GRB14: variants seen among roughly 807,000 people sequenced by gnomAD.
The protein encoded by GRB14 is growth factor receptor bound protein 14.
A neutral mutation model predicts 69.1 loss-of-function variants in GRB14; 38 were observed. The ratio of observed to expected loss-of-function variants is 0.55; its 90% confidence interval spans 0.42 to 0.72. The LOEUF (loss-of-function observed/expected upper bound fraction) is 0.72, where lower values mean the gene tolerates loss of function less well. Ranked by LOEUF, GRB14 falls within the 30% of genes least tolerant of loss-of-function variation. The pLI is 0.00. For synonymous variants in GRB14, 247 were observed against 241.3 expected (o/e 1.02, Z -0.22); for missense variants, 666 against 666.1 (o/e 1.00, Z 0.00).
At chr2:164,615,786 G>A (rs1289951004) in intron 2 of GRB14, among the ~76,000 whole-genome samples, 1 of 152,116 alleles carries the variant, frequency 6.6e-6, no homozygotes, top group Admixed American at 6.5e-5. Context: ...ATTAACCAGA[G>A]CTACTACACA....
chr2:164,532,393 GTAAGC>G (rs1415718875), intron 3 of GRB14, among the ~76,000 whole-genome samples: 2 of 152,146 alleles, frequency 1.3e-5, no homozygotes, highest in African/African-American at 4.8e-5. Flanking sequence ...AATACCTATA[GTAAGC>G]TAAATAATGG....
At chr2:164,529,194 G>A (rs1035121587) in intron 3 of GRB14, among the ~76,000 whole-genome samples, 1 of 152,126 alleles carries the variant, frequency 6.6e-6, no homozygotes, top group Non-Finnish European at 1.5e-5. Context: ...CTTATACAAG[G>A]TACCTAGAAT....
intron 2 of GRB14, among the ~76,000 whole-genome samples, chr2:164,615,159 G>T (rs1354234572): frequency 6.6e-6 from 1 of 151,976 alleles, no homozygotes; most frequent in African/African-American, 2.4e-5. Flanking sequence ...TACTCTTTTT[G>T]TAATCTTAAA....
intron 2 of GRB14, among the ~76,000 whole-genome samples, chr2:164,605,719 G>A (rs1690026145): frequency 6.6e-6 from 1 of 152,180 alleles, no homozygotes; most frequent in African/African-American, 2.4e-5. Context: ...CTTTAGTTGA[G>A]AGCTATTTCC....
chr2:164,508,458 A>G lies in GRB14; in HGVS notation c.1020T>C (p.Leu340=). 1 of 1,613,154 alleles carries G rather than the reference A, an allele frequency of 6.2e-7. No homozygotes were observed. The highest frequency in any genetic ancestry group is 8.5e-7 in the Non-Finnish European group (1 of 1,179,232). Residue 340 remains leucine, a synonymous_variant, in exon 8 of 14, where the codon CTT becomes CTC. Coordinates refer to ENST00000263915, the MANE Select transcript of GRB14 (RefSeq NM_004490.3). ...RTCWVTAIRL[L]KYGMQLYQNY... is the part of the protein sequence containing the mutation. ...TTCATGCCTCCGGCGAGATTACCTT[A>G]AGCAATCTAATCGCGGTCACCCAGC...
chr2:164,563,671 T>C (rs908531742), intron 2 of GRB14, among the ~76,000 whole-genome samples: 1 of 152,246 alleles, frequency 6.6e-6, no homozygotes, highest in African/African-American at 2.4e-5. Context: ...ATTGTGGGGC[T>C]GCAACATTAG....
At chr2:164,513,115 C>T (rs1687382409) in intron 6 of GRB14, among the ~76,000 whole-genome samples, 1 of 152,032 alleles carries the variant, frequency 6.6e-6, no homozygotes. Flanking sequence ...CTTTCTCTTT[C>T]CTTCCCACTC....
At chr2:164,595,913 C>T (rs1194957518) in intron 2 of GRB14, among the ~76,000 whole-genome samples, 1 of 152,142 alleles carries the variant, frequency 6.6e-6, no homozygotes, top group African/African-American at 2.4e-5. Flanking sequence ...ATGACAAGAT[C>T]AGGAGATCGA....
intron 2 of GRB14, among the ~76,000 whole-genome samples, chr2:164,561,222 T>A (rs774144891): frequency 1.3e-5 from 2 of 152,164 alleles, no homozygotes; most frequent in Non-Finnish European, 1.5e-5. Flanking sequence ...GATCCTGGAA[T>A]CTGCTGTGAT....
At position 164,594,212 on chromosome 2, in the gene GRB14, C is replaced by T. The variant is rs571970478; in HGVS notation, c.324+25475G>A. 7.2e-5 allele frequency among the ~76,000 whole-genome samples: 11 copies of T among 152,100 alleles called. No homozygotes were observed. The East Asian group carries it at 1.9e-3, about 27-fold the overall frequency. ...GTAGATGAATATTGATGAAAACCCT[C>T]TGCTCAACAAAAAAAAGGGTTACCT... On this transcript the variant is annotated intron_variant, in intron 2 of 13. Coordinates refer to ENST00000263915, the MANE Select transcript of GRB14 (RefSeq NM_004490.3).
rs199971722 is a variant in GRB14 at position 164,542,558 on chromosome 2, AC to A, written c.481+5101del. On this transcript the variant is annotated intron_variant, in intron 3 of 13. Coordinates refer to ENST00000263915, the MANE Select transcript of GRB14 (RefSeq NM_004490.3). ...ATGAACCTAATTCAACAAACAAAAA[AC>A]AACCCCATTATAAAGTGGTGAAGGA... Among the ~76,000 whole-genome samples, 1,365 of 152,296 alleles carry A rather than the reference AC, an allele frequency of 9.0e-3. 9 individuals are homozygous for A. Among genetic ancestry groups the A allele is most frequent in the Admixed American group, 0.021 (316 of 15,292 alleles).
chr2:164,579,164 T>C (rs538982293), intron 2 of GRB14, among the ~76,000 whole-genome samples: 40 of 152,308 alleles, frequency 2.6e-4, no homozygotes, highest in Non-Finnish European at 5.7e-4. Flanking sequence ...AAACCGTGAC[T>C]TTAAGCCAAA....
intron 2 of GRB14, among the ~76,000 whole-genome samples, chr2:164,579,986 T>C (rs1245918330): frequency 1.3e-5 from 2 of 152,100 alleles, no homozygotes; most frequent in African/African-American, 2.4e-5. Flanking sequence ...GGGCAAGTAC[T>C]TAATAGAGTG....
chr2:164,598,782 A>T (rs1359665162), intron 2 of GRB14, among the ~76,000 whole-genome samples: 3 of 152,160 alleles, frequency 2.0e-5, no homozygotes, highest in Non-Finnish European at 4.4e-5. Flanking sequence ...TCTCTCTGGA[A>T]AACAGTTTTT....
rs1305603106 is a variant in GRB14 at position 164,568,860 on chromosome 2, G to A, written c.325-21044C>T. ...CATAAAATTGATGAAGAGATCAACT[G>A]GAACATACACAAGGCACAAAAAATA... On this transcript the variant is annotated intron_variant, in intron 2 of 13. Transcript: ENST00000263915. Among the ~76,000 whole-genome samples, 4 of 152,102 alleles carry A rather than the reference G, an allele frequency of 2.6e-5. No homozygotes were observed. In the East Asian group the frequency reaches 7.7e-4, roughly 29 times the overall value.
intron 6 of GRB14, among the ~76,000 whole-genome samples, chr2:164,513,791 T>C (rs776077776): frequency 5.9e-5 from 9 of 152,168 alleles, no homozygotes; most frequent in South Asian, 2.1e-4. Context: ...GTTTAACCCA[T>C]AAAGAAGCAA....
At chr2:164,550,118 C>T (rs1688498181) in intron 2 of GRB14, among the ~76,000 whole-genome samples, 1 of 152,038 alleles carries the variant, frequency 6.6e-6, no homozygotes. Context: ...TCTCTTTTCT[C>T]CCCTGCAATT....
At chr2:164,555,907 T>A (rs1688667651) in intron 2 of GRB14, among the ~76,000 whole-genome samples, 3 of 151,996 alleles carry the variant, frequency 2.0e-5, no homozygotes, top group Non-Finnish European at 4.4e-5. Flanking sequence ...CTTATAATGT[T>A]TCAATATTTT....
intron 2 of GRB14, among the ~76,000 whole-genome samples, chr2:164,563,999 G>A (rs2105324668): frequency 6.6e-6 from 1 of 152,202 alleles, no homozygotes; most frequent in South Asian, 2.1e-4. Context: ...GATGTTACAG[G>A]GCTGTAGTGG....
Sources: gnomAD v4.1 joint callset for allele counts (sites outside exome capture counted in the v4.1 genomes callset) on GRCh38, gnomAD v4.1.1 for gene constraint, MANE v1.5 for transcripts, NCBI Gene and HGNC (gene_info 2026-07-23, HGNC 2026-07-21) for gene names.